THSD4: variants seen among roughly 807,000 people sequenced by gnomAD.
The protein encoded by THSD4 is thrombospondin type-1 domain-containing protein 4.
Under a neutral mutation model 119.0 loss-of-function variants are expected in THSD4, and 69 were observed. The ratio of observed to expected loss-of-function variants is 0.58; its 90% CI spans 0.48 to 0.71. The LOEUF (loss-of-function observed/expected upper bound fraction) is 0.71, where lower values mean the gene tolerates loss of function less well. Ranked by LOEUF, THSD4 falls within the 30% of genes least tolerant of loss-of-function variation. THSD4 has a pLI of 0.00. For missense variants in THSD4, 1,393 were observed against 1,391.1 expected, an observed-to-expected ratio of 1.00 and a Z score of -0.02; for synonymous variants, 524 against 540.4, an observed-to-expected ratio of 0.97 and a Z score of 0.42.
In THSD4 at chr15:71,141,451, C is replaced by T. The variant is rs2040603040; in HGVS notation, c.-77C>T. ...AATAACATTGTTCATTTCCATAGGA[C>T]TTGAACGCAACTCCCAATTGCAGAA... On this transcript the variant is annotated splice_region_variant and 5_prime_UTR_variant, in exon 2 of 18. Transcript: ENST00000261862. The T allele has an allele frequency of 4.2e-6, 6 of 1,440,930 alleles. No individual in the cohort carries two copies. In the African/African-American group the frequency reaches 5.7e-5, roughly 14 times the overall value. 89.3% of individuals were successfully genotyped at this position (1,440,930 alleles called of 1,614,324 possible).
chr15:71,745,376 T>C, intron 12 of THSD4, 141 bp downstream of exon 12: 1 of 1,152,836 alleles, frequency 8.7e-7, no homozygotes, highest in Non-Finnish European at 1.2e-6. Context: ...ATGCAGTCTG[T>C]TTAGCAGGCA....
chr15:71,129,478 G>A (rs1567133240), intron 1 of THSD4, among the ~76,000 whole-genome samples: 1 of 152,160 alleles, frequency 6.6e-6, no homozygotes, highest in African/African-American at 2.4e-5. Flanking sequence ...AAGAAAAAGG[G>A]GGATAGTGAC....
chr15:71,504,786 T>C (rs550831325), intron 7 of THSD4, among the ~76,000 whole-genome samples: 1 of 152,166 alleles, frequency 6.6e-6, no homozygotes, highest in Non-Finnish European at 1.5e-5. Context: ...TTCTAGACTT[T>C]CTTTGGTTTT....
intron 6 of THSD4, among the ~76,000 whole-genome samples, chr15:71,384,405 A>G (rs2046270261): frequency 6.6e-6 from 1 of 151,990 alleles, no homozygotes. Flanking sequence ...AAAACATGAA[A>G]CTATTTTGTG....
intron 8 of THSD4, among the ~76,000 whole-genome samples, chr15:71,708,604 G>A (rs539143796): frequency 6.6e-6 from 1 of 152,304 alleles, no homozygotes; most frequent in African/African-American, 2.4e-5. Flanking sequence ...GAACCAAAAG[G>A]AGAATAAGGC....
In THSD4 at chr15:71,242,754, G is replaced by A; in HGVS notation, c.570G>A (p.Arg190=). ...TDTAHTPQRL[R]RQKLSSRHSR... ...CTGCACACACGCCACAGAGGCTCCGGAGACAGAAGCTCTCATCCCGCCATT... is the reference window on the plus strand; with the variant it reads ...CTGCACACACGCCACAGAGGCTCCGAAGACAGAAGCTCTCATCCCGCCATT... Residue 190 remains arginine, a synonymous_variant, in exon 5 of 18, where the codon CGG becomes CGA. Coordinates refer to ENST00000261862, the MANE Select transcript of THSD4 (RefSeq NM_024817.3). 1 of 1,614,144 alleles carries A rather than the reference G, an allele frequency of 6.2e-7. No homozygotes were observed. The highest frequency in any genetic ancestry group is 8.5e-7 in the Non-Finnish European group (1 of 1,180,052).
At chr15:71,538,204 T>A (rs1164032314) in intron 7 of THSD4, among the ~76,000 whole-genome samples, 1 of 152,200 alleles carries the variant, frequency 6.6e-6, no homozygotes, top group Non-Finnish European at 1.5e-5. Context: ...AATATAGAAA[T>A]ATAGACACAT....
chr15:71,436,315 T>C (rs956195833), intron 7 of THSD4, among the ~76,000 whole-genome samples: 22 of 152,150 alleles, frequency 1.4e-4, no homozygotes, highest in African/African-American at 4.3e-4. Flanking sequence ...ACAAAGACTA[T>C]TTCTGGAAAG....
chr15:71,196,511 A>G (rs1036202857), intron 3 of THSD4, among the ~76,000 whole-genome samples: 12 of 152,184 alleles, frequency 7.9e-5, no homozygotes, highest in Admixed American at 6.5e-4. Flanking sequence ...TGAAGGAGAC[A>G]GAGAGAGAAA....
At position 71,411,794 on chromosome 15, in the gene THSD4, A is replaced by T. The variant is rs2046691969; in HGVS notation, c.1123A>T (p.Thr375Ser). 3 of 1,613,964 alleles carry T rather than the reference A, an allele frequency of 1.9e-6. No homozygotes were observed. The highest frequency in any genetic ancestry group is 2.5e-6 in the Non-Finnish European group (3 of 1,179,990). Residue 375 changes from threonine to serine, a missense_variant, in exon 7 of 18, where the codon ACG (threonine) becomes TCG (serine). Transcript: ENST00000261862. ...TGGCACCCCCTGTGACCAGAACGGC[A>T]CGGCCATCTGTGTGTCTGGGCAGTG... ...IDGTPCDQNG[T>S]AICVSGQCKS... is the part of the protein sequence containing the mutation.
intron 6 of THSD4, among the ~76,000 whole-genome samples, chr15:71,362,791 CATAT>C (rs2045909555): frequency 6.6e-6 from 1 of 152,196 alleles, no homozygotes; most frequent in Non-Finnish European, 1.5e-5. Context: ...TCCCTCCACA[CATAT>C]GGAGATCCAC....
chr15:71,209,888 C>T (rs190415769), intron 3 of THSD4, among the ~76,000 whole-genome samples: 4 of 152,194 alleles, frequency 2.6e-5, no homozygotes, highest in Admixed American at 1.3e-4. Context: ...GGGGAGTTTC[C>T]CTGTACAATT....
intron 8 of THSD4, among the ~76,000 whole-genome samples, chr15:71,660,966 C>T (rs2140996801): frequency 6.6e-6 from 1 of 152,286 alleles, no homozygotes; most frequent in East Asian, 1.9e-4. Flanking sequence ...TACATTTAAA[C>T]CAGCCTTTGC....
chr15:71,445,580 G>A (rs1337423642), intron 7 of THSD4, among the ~76,000 whole-genome samples: 1 of 152,178 alleles, frequency 6.6e-6, no homozygotes. Context: ...ATTTACAGAA[G>A]CACCAGCAAA....
intron 8 of THSD4, among the ~76,000 whole-genome samples, chr15:71,667,021 A>C (rs1011780023): frequency 6.6e-6 from 1 of 152,198 alleles, no homozygotes; most frequent in African/African-American, 2.4e-5. Context: ...CACATATTTC[A>C]GGAGATAAGA....
chr15:71,259,999 T>C (rs922360181), intron 6 of THSD4, among the ~76,000 whole-genome samples: 3 of 152,144 alleles, frequency 2.0e-5, no homozygotes, highest in Non-Finnish European at 4.4e-5. Context: ...GCAGTGTGCG[T>C]TCTGTAATTT....
At chr15:71,209,272 C>T (rs1435301129) in intron 3 of THSD4, among the ~76,000 whole-genome samples, 1 of 152,192 alleles carries the variant, frequency 6.6e-6, no homozygotes, top group African/African-American at 2.4e-5. Flanking sequence ...ATTTCATCTA[C>T]CAAGTAATAC....
At chr15:71,623,331 G>T (rs2050451767) in intron 7 of THSD4, among the ~76,000 whole-genome samples, 1 of 152,184 alleles carries the variant, frequency 6.6e-6, no homozygotes, top group Non-Finnish European at 1.5e-5. Flanking sequence ...GCTTTACATA[G>T]ATTATACTCT....
intron 8 of THSD4, among the ~76,000 whole-genome samples, chr15:71,725,774 G>A (rs956652725): frequency 1.3e-5 from 2 of 152,070 alleles, no homozygotes; most frequent in Non-Finnish European, 2.9e-5. Context: ...AGTGGGAAGT[G>A]AGAAAATGGT....
Sources: allele counts gnomAD v4.1 joint callset (sites outside exome capture counted in the v4.1 genomes callset), GRCh38; gene constraint gnomAD v4.1.1; transcripts MANE v1.5; gene names NCBI Gene and HGNC (gene_info 2026-07-23, HGNC 2026-07-21).